Variants in SDK2 observed in about 807,000 individuals in gnomAD.
SDK2 encodes sidekick cell adhesion molecule 2.
SDK2 carries 105 observed loss-of-function variants against 253.9 expected under a neutral mutation model. The observed-to-expected ratio is 0.41, with a 90% confidence interval of 0.35 to 0.49. The LOEUF is 0.49. Ranked by LOEUF, SDK2 falls within the 20% of genes least tolerant of loss-of-function variation. SDK2 has a pLI of 0.06. For missense variants in SDK2, 2,608 were observed against 3,003.0 expected, an observed-to-expected ratio of 0.87 and a Z score of 3.07; for synonymous variants, 1,249 against 1,234.9, an observed-to-expected ratio of 1.01 and a Z score of -0.24.
At chr17:73,498,742 C>T (rs1034242257) in intron 2 of SDK2, among the ~76,000 whole-genome samples, 1 of 152,200 alleles carries the variant, frequency 6.6e-6, no homozygotes, top group Non-Finnish European at 1.5e-5. Flanking sequence ...TGGGGCCTGG[C>T]ATGAGGTAGG....
chr17:73,374,885 C>A (rs1296999741), intron 36 of SDK2, among the ~76,000 whole-genome samples: 5 of 152,172 alleles, frequency 3.3e-5, no homozygotes, highest in Non-Finnish European at 5.9e-5. Context: ...AGTTCAGATG[C>A]CTCCCCATAG....
chr17:73,500,369 T>TCTCCATCCTC (rs2063879588), intron 2 of SDK2, among the ~76,000 whole-genome samples: 1 of 98,706 alleles, frequency 1.0e-5, no homozygotes, highest in African/African-American at 4.0e-5. Context: ...CCTCCATCCT[T>TCTCCATCCTC]CTCCATCCTC....
intron 1 of SDK2, among the ~76,000 whole-genome samples, chr17:73,524,425 G>C (rs1029889619): frequency 6.6e-6 from 1 of 152,160 alleles, no homozygotes; most frequent in African/African-American, 2.4e-5. Flanking sequence ...CCCTTCCCCT[G>C]GTGGGCTGGG....
At position 73,590,391 on chromosome 17, in the gene SDK2, C is replaced by A. The variant is rs1438514859; in HGVS notation, c.64+53634G>T. Among the ~76,000 whole-genome samples the A allele has an allele frequency of 2.6e-5, 4 of 152,230 alleles. No homozygotes were observed. In the South Asian group the frequency reaches 6.2e-4, roughly 24 times the overall value. On this transcript the variant is annotated intron_variant, in intron 1 of 44. Coordinates refer to ENST00000392650, the MANE Select transcript of SDK2 (RefSeq NM_001144952.2). ...GATGCTGGAAAGCTCAAAGGTCCCA[C>A]AAGAAGCACAGCAGCAACTTGAAGC...
chr17:73,359,520 C>T (rs907230424), intron 39 of SDK2, among the ~76,000 whole-genome samples: 6 of 152,208 alleles, frequency 3.9e-5, no homozygotes, highest in African/African-American at 1.4e-4. Context: ...GGACAGTACT[C>T]AGGGCTGAGG....
rs1259394713 is a variant in SDK2 at position 73,455,759 on chromosome 17, G to T, written c.479+147C>A. The T allele has an allele frequency of 5.8e-6, 5 of 858,848 alleles. No homozygotes were observed. The highest frequency in any genetic ancestry group is 8.4e-6 in the Non-Finnish European group (5 of 594,252). The allele number at this position is 858,848 out of a possible 1,614,324, so 53.2% of individuals were successfully genotyped here. On this transcript the variant is annotated intron_variant, in intron 4 of 44. Transcript: ENST00000392650. The surrounding 1 kb of genome is among the most constrained non-coding windows in gnomAD (Gnocchi z 5.0). ...TGCATCCTAAGAAAGCCCCTGGGAG[G>T]TCCCCTACCTGGCTGTGTCCCACAG...
rs373774628 is a variant in SDK2, at chr17:73,408,046, C to CTTTTTTTTTTTTTTTTTTT, written c.2485-5906_2485-5905insAAAAAAAAAAAAAAAAAAA. Among the ~76,000 whole-genome samples, 4 of 50,950 alleles carry CTTTTTTTTTTTTTTTTTTT rather than the reference C, an allele frequency of 7.9e-5. 2 individuals carry two copies. Among genetic ancestry groups the CTTTTTTTTTTTTTTTTTTT allele is most frequent in the African/African-American group, 1.4e-4 (2 of 14,232 alleles). The allele number at this position is 50,950 out of a possible 152,430, so 33.4% of individuals were successfully genotyped here. On this transcript the variant is annotated intron_variant, in intron 18 of 44. Coordinates refer to ENST00000392650, the MANE Select transcript of SDK2 (RefSeq NM_001144952.2). ...ACACCATCTAGGAAGTAAAATATTT[C>CTTTTTTTTTTTTTTTTTTT]CTTTTTTTTTTTTTTTTTCTTTTGA... is the stretch of plus-strand genomic sequence containing the variant.
At chr17:73,353,056 A>C (rs2062552759) in intron 40 of SDK2, among the ~76,000 whole-genome samples, 1 of 151,696 alleles carries the variant, frequency 6.6e-6, no homozygotes, top group Admixed American at 6.6e-5. Context: ...ACGCCACTGC[A>C]TTCTGGCCTG....
chr17:73,636,680 C>CAAAAAAAAAAAAAAAAAAAAAAA (rs561026344), intron 1 of SDK2, among the ~76,000 whole-genome samples: 3 of 50,986 alleles, frequency 5.9e-5, no homozygotes, highest in Non-Finnish European at 7.3e-5. Context: ...GACTCTGTCT[C>CAAAAAAAAAAAAAAAAAAAAAAA]AAAAAAAAAA....
intron 36 of SDK2, among the ~76,000 whole-genome samples, chr17:73,377,641 T>C (rs554034008): frequency 6.6e-6 from 1 of 150,704 alleles, no homozygotes; most frequent in African/African-American, 2.4e-5. Flanking sequence ...CTTTTTTTTT[T>C]TTTTTGAGAC....
chr17:73,388,079 G>A lies in SDK2; in HGVS notation c.4193-42C>T, dbSNP rs371127499. On this transcript the variant is annotated intron_variant, in intron 29 of 44. Transcript: ENST00000392650. ...GGGGAGGAGCAGGTGAGTGGGCCAG[G>A]CCATGGTGGAGGGGGCTGGACTTTC... 68 of 1,428,620 alleles carry A rather than the reference G, an allele frequency of 4.8e-5. No individual in the cohort carries two copies. The African/African-American group carries it at 6.5e-4, about 14-fold the overall frequency. The allele number at this position is 1,428,620 out of a possible 1,614,324, so 88.5% of individuals were successfully genotyped here.
In SDK2 at chr17:73,438,459, G is replaced by A. The variant is rs188193678; in HGVS notation, c.726-305C>T. ...TGGACTTGGAACTCAGGGCTTGGCA[G>A]CTCAGGCAAAGCAGGAAAGCAGCCT... On this transcript the variant is annotated intron_variant, in intron 6 of 44. Coordinates refer to ENST00000392650, the MANE Select transcript of SDK2 (RefSeq NM_001144952.2). Among the ~76,000 whole-genome samples the A allele has an allele frequency of 3.2e-4, 49 of 152,308 alleles. 1 individual carries two copies. The highest frequency in any genetic ancestry group is 7.5e-4 in the African/African-American group (31 of 41,562).
chr17:73,516,723 C>T (rs557466207), intron 1 of SDK2: 1 of 152,376 alleles, frequency 6.6e-6, no homozygotes, highest in Admixed American at 6.5e-5. Flanking sequence ...AACCAGGCAC[C>T]TTCTGACGTT....
chr17:73,456,074 G>T, intron 3 of SDK2, 21 bp from the exon 4 acceptor site: 1 of 1,465,530 alleles, frequency 6.8e-7, no homozygotes. Context: ...GACAACGGCA[G>T]TAGGATCAGG....
intron 1 of SDK2, among the ~76,000 whole-genome samples, chr17:73,533,776 A>T (rs953859813): frequency 7.3e-5 from 11 of 150,656 alleles, no homozygotes; most frequent in Admixed American, 1.3e-4. Flanking sequence ...GTTCCCTGTC[A>T]CCAGCAGGCC....
intron 28 of SDK2, 115 bp from the exon 29 acceptor site, chr17:73,390,596 G>A (rs1015388550): frequency 7.3e-6 from 8 of 1,103,074 alleles, no homozygotes; most frequent in Middle Eastern, 2.5e-4. Flanking sequence ...CCACCTTGCC[G>A]TGGTCCCTTT....
At position 73,643,691 on chromosome 17, in the gene SDK2, G is replaced by C. The variant is rs575382016; in HGVS notation, c.64+334C>G. Among the ~76,000 whole-genome samples the C allele has an allele frequency of 1.3e-5, 2 of 152,068 alleles. No homozygotes were observed. Among genetic ancestry groups the C allele is most frequent in the Non-Finnish European group, 1.5e-5 (1 of 67,978 alleles). On this transcript the variant is annotated intron_variant, in intron 1 of 44. Transcript: ENST00000392650. The surrounding 1 kb of genome is among the most constrained non-coding windows in gnomAD (Gnocchi z 6.9). The stretch of plus-strand genomic sequence containing the variant: ...CGTAGCCGAGCGTGGAGCCCGGCAC[G>C]GAATGTCGCTCCCCTCCCAAGCCGG...
At chr17:73,533,349 C>T (rs1007174301) in intron 1 of SDK2, among the ~76,000 whole-genome samples, 4 of 152,208 alleles carry the variant, frequency 2.6e-5, no homozygotes, top group Admixed American at 2.0e-4. Context: ...GGCAGGCTGC[C>T]GAGCCTGGAG....
At chr17:73,470,292 C>T (rs974003413) in intron 3 of SDK2, among the ~76,000 whole-genome samples, 3 of 151,606 alleles carry the variant, frequency 2.0e-5, no homozygotes, top group African/African-American at 7.3e-5. Context: ...TGCATGCAAA[C>T]ACACACACAC....
Sources: allele counts gnomAD v4.1 joint callset (sites outside exome capture counted in the v4.1 genomes callset), GRCh38; gene constraint gnomAD v4.1.1; non-coding constraint Gnocchi (gnomAD v3.1); transcripts MANE v1.5; gene names NCBI Gene and HGNC (gene_info 2026-07-23, HGNC 2026-07-21).